SHB: variants seen among roughly 807,000 people sequenced by gnomAD.
SHB encodes the protein SH2 domain containing adaptor protein B, also known as SH2 domain-containing adapter protein B.
Under a neutral mutation model 52.3 loss-of-function variants are expected in SHB, and 20 were observed. The observed-to-expected ratio is 0.38, with a 90% CI of 0.27 to 0.56. The LOEUF (loss-of-function observed/expected upper bound fraction) is 0.56, where lower values mean the gene tolerates loss of function less well. Among genes scored for constraint, SHB ranks in the 20% least tolerant of loss-of-function variants. The pLI is 0.71. For synonymous variants in SHB, 397 were observed against 316.5 expected, an observed-to-expected ratio of 1.25 and a Z score of -2.70; for missense variants, 825 against 723.3, an observed-to-expected ratio of 1.14 and a Z score of -1.61.
At chr9:37,938,260 T>C (rs1418418671) in intron 5 of SHB, among the ~76,000 whole-genome samples, 1 of 152,104 alleles carries the variant, frequency 6.6e-6, no homozygotes, top group Non-Finnish European at 1.5e-5. Context: ...TCCTGGCTGG[T>C]AGGAATGGTG....
intron 1 of SHB, among the ~76,000 whole-genome samples, chr9:38,035,629 T>TG (rs1821477001): frequency 6.6e-6 from 1 of 152,018 alleles, no homozygotes; most frequent in African/African-American, 2.4e-5. Context: ...GGGTAGGTCT[T>TG]GGGGACAGAA....
At chr9:38,004,444 G>A (rs34200699) in intron 2 of SHB, among the ~76,000 whole-genome samples, 31,719 of 151,968 alleles carry the variant, frequency 0.21, 3,803 homozygotes, top group African/African-American at 0.33. Flanking sequence ...GGAGGTGGGC[G>A]CCCCCCAGCC....
At chr9:37,940,498 C>T (rs190179058) in intron 5 of SHB, among the ~76,000 whole-genome samples, 47 of 152,250 alleles carry the variant, frequency 3.1e-4, no homozygotes, top group African/African-American at 7.2e-4. Flanking sequence ...ACACGAAGCA[C>T]GCTAATTGAG....
chr9:37,990,041 C>G (rs1820863819), intron 2 of SHB, among the ~76,000 whole-genome samples: 1 of 152,178 alleles, frequency 6.6e-6, no homozygotes, highest in Non-Finnish European at 1.5e-5. Flanking sequence ...AAAAGCCGTC[C>G]TTAAGAGGTT....
chr9:38,015,545 G>A (rs1316571576), intron 2 of SHB: 30 of 692,384 alleles, frequency 4.3e-5, no homozygotes, highest in East Asian at 3.2e-4. Context: ...CTCGGGATGC[G>A]GCCAGAAATA....
chr9:38,068,370 G>T lies in SHB; in HGVS notation c.276C>A (p.Phe92Leu). The T allele has an allele frequency of 1.5e-5, 23 of 1,571,452 alleles. No individual in the cohort carries two copies. Among genetic ancestry groups the T allele is most frequent in the Non-Finnish European group, 2.0e-5 (23 of 1,162,682 alleles). ...RAYRAQKERD[F>L]EDPYNGPGSS... The stretch of plus-strand genomic sequence containing the variant: ...AGCCAGGCCCGTTGTAGGGGTCCTC[G>T]AAGTCTCGCTCCTTCTGCGCGCGGT... The change falls in exon 1 of 6, where the codon TTC becomes TTA. Residue 92 changes from phenylalanine (F) to leucine (L), a missense_variant. By Grantham distance (22) the Phe-to-Leu change is conservative (BLOSUM62 0). Coordinates refer to ENST00000377707, the MANE Select transcript of SHB (RefSeq NM_003028.3).
intron 2 of SHB, among the ~76,000 whole-genome samples, chr9:37,979,409 C>G (rs140459516): frequency 7.8e-4 from 119 of 152,216 alleles, no homozygotes; most frequent in African/African-American, 2.7e-3. Context: ...AAGAATTTGC[C>G]TGGGCCCATT....
At chr9:37,959,861 C>T (rs183880750) in intron 3 of SHB, among the ~76,000 whole-genome samples, 284 of 152,318 alleles carry the variant, frequency 1.9e-3, no homozygotes, top group Admixed American at 3.1e-3. Flanking sequence ...TCCCGGTGAG[C>T]CCCCTGAGGG....
chr9:38,030,253 G>C (rs1821397036), intron 1 of SHB, among the ~76,000 whole-genome samples: 1 of 152,202 alleles, frequency 6.6e-6, no homozygotes, highest in African/African-American at 2.4e-5. Context: ...CATTAGTCCT[G>C]GACCATGTAC....
At chr9:38,030,314 GAC>G (rs976339359) in intron 1 of SHB, among the ~76,000 whole-genome samples, 4 of 152,156 alleles carry the variant, frequency 2.6e-5, no homozygotes, top group African/African-American at 9.7e-5. Context: ...CTCTGTAGAC[GAC>G]ACAGCAAAAT....
chr9:37,949,946 C>CT (rs530374743), intron 4 of SHB, among the ~76,000 whole-genome samples: 7 of 151,972 alleles, frequency 4.6e-5, no homozygotes, highest in African/African-American at 9.7e-5. Flanking sequence ...GCTTTTCTTT[C>CT]TTTTTTTTGA....
chr9:37,994,402 A>G (rs1820922946), intron 2 of SHB, among the ~76,000 whole-genome samples: 1 of 152,234 alleles, frequency 6.6e-6, no homozygotes, highest in African/African-American at 2.4e-5. Flanking sequence ...TGTAACTCAA[A>G]TGACTGATTA....
chr9:38,008,150 G>T, intron 2 of SHB, among the ~76,000 whole-genome samples: 1 of 152,188 alleles, frequency 6.6e-6, no homozygotes, highest in South Asian at 2.1e-4. Context: ...ATCAATGACT[G>T]TCTGCTCTCC....
chr9:38,015,814 G>C (rs186978801), intron 2 of SHB, among the ~76,000 whole-genome samples, 197 bp downstream of exon 2: 346 of 152,316 alleles, frequency 2.3e-3, no homozygotes, highest in African/African-American at 7.6e-3. Flanking sequence ...TGCCCGGCCA[G>C]TTTTTTTCCT....
intron 5 of SHB, among the ~76,000 whole-genome samples, chr9:37,928,549 G>A (rs571647386): frequency 1.3e-5 from 2 of 152,206 alleles, no homozygotes; most frequent in Non-Finnish European, 2.9e-5. Flanking sequence ...ACCCTACGAC[G>A]CACAGCACAG....
chr9:37,984,678 G>A (rs866071370), intron 2 of SHB, among the ~76,000 whole-genome samples: 1 of 152,274 alleles, frequency 6.6e-6, no homozygotes, highest in Non-Finnish European at 1.5e-5. Context: ...CTGGCACCAC[G>A]GAGTGAGCGA....
At chr9:37,936,167 GAT>G (rs1832368274) in intron 5 of SHB, among the ~76,000 whole-genome samples, 1 of 152,144 alleles carries the variant, frequency 6.6e-6, no homozygotes, top group Admixed American at 6.5e-5. Context: ...AGTGAGCCGA[GAT>G]AGCGCCATTG....
chr9:38,010,425 CCAGT>C lies in SHB; in HGVS notation c.838+5582_838+5585del, dbSNP rs1188750855. On this transcript the variant is annotated intron_variant, in intron 2 of 5. Transcript: ENST00000377707. ...TTAGGTTAACTTGGGCTTCCAGATCCCAGTCAGTCTCTACATGCTCTTGCCCCAT... is the reference window on the plus strand; with the variant it reads ...TTAGGTTAACTTGGGCTTCCAGATCCCAGTCTCTACATGCTCTTGCCCCAT... Among the ~76,000 whole-genome samples the C allele has an allele frequency of 3.9e-5, 6 of 152,300 alleles. No individual in the cohort carries two copies. The East Asian group carries it at 9.6e-4, about 24-fold the overall frequency.
intron 2 of SHB, among the ~76,000 whole-genome samples, chr9:37,987,211 G>T (rs1007998757): frequency 1.3e-5 from 2 of 152,202 alleles, no homozygotes; most frequent in Non-Finnish European, 2.9e-5. Flanking sequence ...GGCCAACATC[G>T]CAAAAACTCA....
Sources: allele counts gnomAD v4.1 joint callset (sites outside exome capture counted in the v4.1 genomes callset), GRCh38; gene constraint gnomAD v4.1.1; transcripts MANE v1.5; gene names NCBI Gene and HGNC (gene_info 2026-07-23, HGNC 2026-07-21).